NRG3: variants seen among roughly 807,000 people sequenced by gnomAD.
NRG3 encodes the protein neuregulin 3.
A neutral mutation model predicts 66.9 loss-of-function variants in NRG3; 31 were observed. That is an observed-to-expected ratio of 0.46 (90% confidence interval 0.35 to 0.63). NRG3 has a LOEUF of 0.63. NRG3 is among the 20% of genes least tolerant of loss of function. The pLI, the probability that NRG3 is intolerant of heterozygous loss-of-function variation, is 0.00. For synonymous variants in NRG3, 393 were observed against 359.4 expected (o/e 1.09, Z -1.06); for missense variants, 910 against 878.9 (o/e 1.04, Z -0.45).
At chr10:81,915,195 CT>C (rs1365103648) in intron 1 of NRG3, among the ~76,000 whole-genome samples, 1 of 152,102 alleles carries the variant, frequency 6.6e-6, no homozygotes, top group Non-Finnish European at 1.5e-5. Flanking sequence ...AAAAAAAGAT[CT>C]TTTTTATATT....
intron 2 of NRG3, among the ~76,000 whole-genome samples, chr10:82,722,594 A>C (rs184451056): frequency 6.6e-6 from 1 of 152,070 alleles, no homozygotes; most frequent in Non-Finnish European, 1.5e-5. Context: ...CCCCACCCCT[A>C]ATCTCCTCAT....
In NRG3 at chr10:82,720,810, C is replaced by CATATACATATAT. The variant is rs571675177; in HGVS notation, c.954-17762_954-17761insCATATATATATA. Among the ~76,000 whole-genome samples, 228 of 114,706 alleles carry CATATACATATAT rather than the reference C, an allele frequency of 2.0e-3. 2 individuals carry two copies. Among genetic ancestry groups the CATATACATATAT allele is most frequent in the African/African-American group, 7.5e-3 (171 of 22,832 alleles). The allele number at this position is 114,706 out of a possible 152,430, so 75.3% of individuals were successfully genotyped here. A position where few individuals can be genotyped will look rare whatever the true frequency, so the allele number is the denominator to read the frequency against. Reference sequence around the variant, plus strand: ...AACACATATATAGGAGTATTTTATACATATATATATATATATATATATATA... The same window carrying CATATACATATAT: ...AACACATATATAGGAGTATTTTATACATATACATATATATATATATATATATATATATATATA... On this transcript the variant is annotated intron_variant, in intron 2 of 8. Transcript: ENST00000372141.
At chr10:82,512,771 A>G (rs373958729) in intron 2 of NRG3, among the ~76,000 whole-genome samples, 356 of 152,172 alleles carry the variant, frequency 2.3e-3, no homozygotes, top group African/African-American at 7.2e-3. Flanking sequence ...GAAACATTTA[A>G]TTTTATAGTT....
intron 2 of NRG3, among the ~76,000 whole-genome samples, chr10:82,567,370 T>C (rs1260448155): frequency 1.3e-5 from 2 of 151,920 alleles, no homozygotes; most frequent in Non-Finnish European, 2.9e-5. Flanking sequence ...ATCAAATGAA[T>C]CTTTAACTAA....
intron 2 of NRG3, among the ~76,000 whole-genome samples, chr10:82,423,139 C>T (rs1233985380): frequency 1.3e-5 from 2 of 151,704 alleles, no homozygotes; most frequent in Non-Finnish European, 2.9e-5. Flanking sequence ...TGTTGGCTTG[C>T]CACTTAAGAT....
chr10:82,660,686 T>C (rs1187273254), intron 2 of NRG3, among the ~76,000 whole-genome samples: 1 of 152,216 alleles, frequency 6.6e-6, no homozygotes, highest in Non-Finnish European at 1.5e-5. Flanking sequence ...TTTACCCAAT[T>C]ATCTCTTGCG....
chr10:82,288,243 A>G (rs1186712033), intron 1 of NRG3, among the ~76,000 whole-genome samples: 4 of 152,162 alleles, frequency 2.6e-5, no homozygotes, highest in Non-Finnish European at 5.9e-5. Flanking sequence ...GTTGTATGCT[A>G]CCCTTTTCAC....
chr10:82,147,030 T>C (rs2070315824), intron 1 of NRG3, among the ~76,000 whole-genome samples: 2 of 152,308 alleles, frequency 1.3e-5, no homozygotes, highest in South Asian at 4.2e-4. Flanking sequence ...TGATTGTCTA[T>C]CTCCTGAGGA....
chr10:82,316,418 G>A (rs2081297893), intron 1 of NRG3, among the ~76,000 whole-genome samples: 1 of 152,084 alleles, frequency 6.6e-6, no homozygotes, highest in Non-Finnish European at 1.5e-5. Context: ...AAACCCTGAT[G>A]TCTTATGAAA....
At chr10:82,041,209 A>T (rs2063018809) in intron 1 of NRG3, among the ~76,000 whole-genome samples, 2 of 151,980 alleles carry the variant, frequency 1.3e-5, no homozygotes, top group Admixed American at 1.3e-4. Flanking sequence ...TTTTGTAAGG[A>T]GTCCTTATGG....
At chr10:82,606,881 CGTT>C (rs1554972741) in intron 2 of NRG3, among the ~76,000 whole-genome samples, 1 of 152,134 alleles carries the variant, frequency 6.6e-6, no homozygotes, top group Non-Finnish European at 1.5e-5. Context: ...AGCACCAAAA[CGTT>C]GTTTCTTCAT....
At chr10:82,591,777 T>G (rs1362419916) in intron 2 of NRG3, among the ~76,000 whole-genome samples, 1 of 152,328 alleles carries the variant, frequency 6.6e-6, no homozygotes, top group Non-Finnish European at 1.5e-5. Context: ...ATTTTGAATC[T>G]CATTACTTAG....
At position 82,052,995 on chromosome 10, in the gene NRG3, A is replaced by C. The variant is rs184968455; in HGVS notation, c.823+176832A>C. 5.0e-3 allele frequency among the ~76,000 whole-genome samples: 755 copies of C among 152,078 alleles called. 22 individuals are homozygous for C. Among genetic ancestry groups the C allele is most frequent in the Admixed American group, 0.044 (675 of 15,268 alleles). ...AGACTAATTATTTTATTAATTCATT[A>C]TTAATAAAATTTATTAATTCATTTA... On this transcript the variant is annotated intron_variant, in intron 1 of 8. Transcript: ENST00000372141.
chr10:82,315,924 G>T (rs910915787), intron 1 of NRG3, among the ~76,000 whole-genome samples: 7 of 152,086 alleles, frequency 4.6e-5, no homozygotes, highest in African/African-American at 1.7e-4. Flanking sequence ...TGGGATTACA[G>T]GTGGGAGCCA....
intron 1 of NRG3, among the ~76,000 whole-genome samples, chr10:82,225,228 A>G (rs951647408): frequency 5.3e-5 from 8 of 152,222 alleles, no homozygotes; most frequent in Non-Finnish European, 1.0e-4. Flanking sequence ...AGTTCTAACT[A>G]CGGTATTAAC....
rs1449934073 is a variant in NRG3 at position 82,358,768 on chromosome 10, G to A, written c.853G>A (p.Glu285Lys). 2.5e-6 allele frequency: 4 copies of A among 1,614,096 alleles called. No individual in the cohort carries two copies. Among genetic ancestry groups the A allele is most frequent in the East Asian group, 2.2e-5 (1 of 44,860 alleles). ...HTTTYSTERSEHFKPCRDKDL... is the reference protein window; with the variant it reads ...HTTTYSTERSKHFKPCRDKDL... The stretch of plus-strand genomic sequence containing the variant: ...GACGACATATTCCACAGAGCGATCC[G>A]AGCACTTCAAACCCTGCCGAGACAA... The change falls in exon 2 of 9, where the codon GAG becomes AAG. Residue 285 changes from glutamate (E) to lysine (K), a missense_variant. Coordinates refer to ENST00000372141, the MANE Select transcript of NRG3 (RefSeq NM_001010848.4).
chr10:82,056,864 A>T (rs2063869695), intron 1 of NRG3, among the ~76,000 whole-genome samples: 1 of 152,080 alleles, frequency 6.6e-6, no homozygotes, highest in Non-Finnish European at 1.5e-5. Flanking sequence ...ATTATTGTTT[A>T]TTGTGGATGA....
chr10:82,075,659 A>G (rs2065048961), intron 1 of NRG3, among the ~76,000 whole-genome samples: 1 of 152,124 alleles, frequency 6.6e-6, no homozygotes, highest in South Asian at 2.1e-4. Context: ...AGATGTATGG[A>G]TGATTTTTTA....
At chr10:82,647,411 A>C (rs2051031624) in intron 2 of NRG3, among the ~76,000 whole-genome samples, 1 of 152,124 alleles carries the variant, frequency 6.6e-6, no homozygotes, top group African/African-American at 2.4e-5. Context: ...TCATTGTTGG[A>C]CATTTGGTTT....
Sources: allele counts gnomAD v4.1 joint callset (sites outside exome capture counted in the v4.1 genomes callset), GRCh38; gene constraint gnomAD v4.1.1; transcripts MANE v1.5; gene names NCBI Gene and HGNC (gene_info 2026-07-23, HGNC 2026-07-21).